The following RASGRF2 variants were observed in gnomAD, a reference collection of about 807,000 sequenced individuals.
RASGRF2 encodes ras-specific guanine nucleotide-releasing factor 2.
RASGRF2 carries 76 observed loss-of-function variants against 151.0 expected under a neutral mutation model. The ratio of observed to expected loss-of-function variants is 0.50; its 90% CI spans 0.42 to 0.61. The LOEUF (loss-of-function observed/expected upper bound fraction) is 0.61. RASGRF2 is among the 20% of genes least tolerant of loss of function. The pLI is 0.00. For synonymous variants in RASGRF2, 504 were observed against 566.5 expected (o/e 0.89, Z 1.57); for missense variants, 1,148 against 1,564.6 (o/e 0.73, Z 4.49).
intron 12 of RASGRF2, chr5:81,096,412 T>G (rs529747997): frequency 1.3e-5 from 2 of 152,348 alleles, no homozygotes; most frequent in East Asian, 3.9e-4. Flanking sequence ...TCAGGTATTG[T>G]GCAGGTACCA....
At chr5:81,102,072 G>T (rs1752712643) in intron 12 of RASGRF2, among the ~76,000 whole-genome samples, 1 of 152,080 alleles carries the variant, frequency 6.6e-6, no homozygotes, top group Non-Finnish European at 1.5e-5. Flanking sequence ...TTAATGCGTA[G>T]GTATATTTAT....
At chr5:81,028,075 G>T (rs1027176573) in intron 1 of RASGRF2, among the ~76,000 whole-genome samples, 34 of 152,230 alleles carry the variant, frequency 2.2e-4, no homozygotes, top group Middle Eastern at 3.4e-3. Context: ...CAAAGAGCTG[G>T]TTCTGGTCTG....
At chr5:81,107,216 T>A (rs961096756) in intron 12 of RASGRF2, among the ~76,000 whole-genome samples, 17 of 114,818 alleles carry the variant, frequency 1.5e-4, no homozygotes, top group South Asian at 1.5e-3. Flanking sequence ...AAAAAAAAAA[T>A]CTCACTGTGG....
intron 17 of RASGRF2, among the ~76,000 whole-genome samples, chr5:81,128,496 G>A (rs912727708): frequency 3.9e-5 from 6 of 152,234 alleles, no homozygotes; most frequent in Non-Finnish European, 7.3e-5. Flanking sequence ...CTTTATCAGA[G>A]AAGGTTGTTA....
chr5:81,165,896 G>T (rs1360855802), intron 17 of RASGRF2, among the ~76,000 whole-genome samples: 1 of 44,232 alleles, frequency 2.3e-5, no homozygotes, highest in Non-Finnish European at 4.1e-5. Flanking sequence ...AACACACCAG[G>T]CCAGACTCCT....
intron 1 of RASGRF2, among the ~76,000 whole-genome samples, chr5:80,996,498 CTTCT>C (rs1481513648): frequency 3.9e-4 from 32 of 82,174 alleles, no homozygotes; most frequent in African/African-American, 1.8e-3. Flanking sequence ...TCTTCTTCTT[CTTCT>C]TCCTCCTCCT....
At chr5:81,108,158 G>A (rs926802244) in intron 12 of RASGRF2, among the ~76,000 whole-genome samples, 1 of 152,192 alleles carries the variant, frequency 6.6e-6, no homozygotes, top group African/African-American at 2.4e-5. Flanking sequence ...TAGTATCATA[G>A]CGACTAGAAG....
intron 21 of RASGRF2, among the ~76,000 whole-genome samples, chr5:81,207,601 G>A (rs1417392364): frequency 6.6e-6 from 1 of 152,168 alleles, no homozygotes; most frequent in Non-Finnish European, 1.5e-5. Flanking sequence ...GAGTAATTTC[G>A]AGTGTTTTTA....
chr5:81,206,885 T>C lies in RASGRF2; in HGVS notation c.2947T>C (p.Leu983=), dbSNP rs778784441. The C allele has an allele frequency of 1.2e-6, 2 of 1,609,432 alleles. No homozygotes were observed. The highest frequency in any genetic ancestry group is 1.7e-6 in the Non-Finnish European group (2 of 1,175,700). ...QDDQDDIHLK[L]EDIIQMTDCM... The stretch of plus-strand genomic sequence containing the variant: ...TGACCAAGATGACATCCACCTAAAA[T>C]TAGAGGATATAATTCAAATGGTAAG... Residue 983 remains leucine, a synonymous_variant, in exon 20 of 27, where the codon TTA becomes CTA. Transcript: ENST00000265080.
At chr5:81,113,516 C>G (rs1219950955) in intron 14 of RASGRF2, 22 bp from the exon 15 acceptor site, 1 of 1,582,242 alleles carries the variant, frequency 6.3e-7, no homozygotes, top group Admixed American at 1.7e-5. Flanking sequence ...AATCTCTTAG[C>G]CACTTTTGCT....
At chr5:81,129,863 A>G (rs1753568850) in intron 17 of RASGRF2, among the ~76,000 whole-genome samples, 1 of 152,228 alleles carries the variant, frequency 6.6e-6, no homozygotes, top group South Asian at 2.1e-4. Flanking sequence ...TTGTGAGGGA[A>G]AATAAATTTG....
chr5:81,150,551 T>A (rs1315444023), intron 17 of RASGRF2, among the ~76,000 whole-genome samples: 1 of 152,150 alleles, frequency 6.6e-6, no homozygotes, highest in Non-Finnish European at 1.5e-5. Context: ...AGTGTTGAAG[T>A]GAAATAGATG....
chr5:81,014,659 T>C (rs1351776399), intron 1 of RASGRF2, among the ~76,000 whole-genome samples: 1 of 152,182 alleles, frequency 6.6e-6, no homozygotes, highest in Non-Finnish European at 1.5e-5. Context: ...TAATATGATA[T>C]TTTACAACTT....
chr5:81,036,145 T>C (rs1750484449), intron 1 of RASGRF2, among the ~76,000 whole-genome samples: 1 of 151,972 alleles, frequency 6.6e-6, no homozygotes, highest in Non-Finnish European at 1.5e-5. Context: ...TAGAGGCAAA[T>C]GTTTTTCATT....
At chr5:81,018,064 G>A (rs62367398) in intron 1 of RASGRF2, among the ~76,000 whole-genome samples, 8,660 of 151,864 alleles carry the variant, frequency 0.057, 345 homozygotes, top group African/African-American at 0.11. Context: ...AGCCAAGATC[G>A]CGCCACTGCA....
chr5:81,044,285 G>A lies in RASGRF2; in HGVS notation c.395+1302G>A, dbSNP rs564872265. 6.6e-4 allele frequency among the ~76,000 whole-genome samples: 100 copies of A among 152,238 alleles called. 2 individuals carry two copies. The highest frequency in any genetic ancestry group is 1.5e-4 in the Non-Finnish European group (10 of 68,024). On this transcript the variant is annotated intron_variant, in intron 2 of 26. Coordinates refer to ENST00000265080, the MANE Select transcript of RASGRF2 (RefSeq NM_006909.3). ...ATATAAAAATTAGCCGGGCATGGTGGCACACGCCTGTAGTCCTAGCTACTT... is the reference window on the plus strand; with the variant it reads ...ATATAAAAATTAGCCGGGCATGGTGACACACGCCTGTAGTCCTAGCTACTT...
At chr5:81,177,761 G>A (rs575620116) in intron 17 of RASGRF2, among the ~76,000 whole-genome samples, 1 of 152,214 alleles carries the variant, frequency 6.6e-6, no homozygotes, top group Admixed American at 6.5e-5. Flanking sequence ...GCTGGAAAGC[G>A]CTCATTTGGA....
chr5:81,152,486 C>G (rs548578364), intron 17 of RASGRF2, among the ~76,000 whole-genome samples: 1 of 152,286 alleles, frequency 6.6e-6, no homozygotes, highest in South Asian at 2.1e-4. Context: ...CCTTCAATAT[C>G]TGTAGGTTTT....
chr5:81,221,658 C>A (rs1003758792), intron 26 of RASGRF2, among the ~76,000 whole-genome samples: 1 of 152,178 alleles, frequency 6.6e-6, no homozygotes, highest in African/African-American at 2.4e-5. Flanking sequence ...TGAGCCCAGC[C>A]TGGGCAACAT....
Sources: allele counts gnomAD v4.1 joint callset (sites outside exome capture counted in the v4.1 genomes callset), GRCh38; gene constraint gnomAD v4.1.1; transcripts MANE v1.5; gene names NCBI Gene and HGNC (gene_info 2026-07-23, HGNC 2026-07-21).